Variants in EZH1 observed in about 807,000 individuals in gnomAD.
The protein encoded by EZH1 is enhancer of zeste 1 polycomb repressive complex 2 subunit, also known as histone-lysine N-methyltransferase EZH1.
In EZH1, 33 loss-of-function variants were observed where a neutral mutation model predicts 100.5. That is an observed-to-expected ratio of 0.33 (90% confidence interval 0.25 to 0.44). The LOEUF (loss-of-function observed/expected upper bound fraction) is 0.44. EZH1 is among the 20% of genes least tolerant of loss of function. The probability of loss-of-function intolerance (pLI) is 1.00; values close to 1 mark genes in which losing one functional copy is unlikely to be tolerated. For missense variants in EZH1, 475 were observed against 928.4 expected (o/e 0.51, Z 6.35); for synonymous variants, 272 against 313.8 (o/e 0.87, Z 1.41).
At chr17:42,708,287 G>A (rs2053402599) in intron 14 of EZH1, 1 of 537,500 alleles carries the variant, frequency 1.9e-6, no homozygotes, top group South Asian at 2.3e-5. Flanking sequence ...AGGGTGTGGA[G>A]ATGGTCTGGG....
chr17:42,705,114 C>T lies in EZH1; in HGVS notation c.1909G>A (p.Glu637Lys), dbSNP rs1316478374. 4 of 1,613,504 alleles carry T rather than the reference C, an allele frequency of 2.5e-6. No individual in the cohort carries two copies. The highest frequency in any genetic ancestry group is 3.4e-6 in the Non-Finnish European group (4 of 1,179,766). ...TCACCACAGTATTCAGAAATGAATT[C>T]GTTCTTCTGCACAGACTCCTTTATG... ...TFIKESVQKN[E>K]FISEYCGELI... The change falls in exon 17 of 21, where the codon GAA (glutamate) becomes AAA (lysine). Residue 637 changes from glutamate to lysine, a missense_variant. Around this residue, in one of 8 missense-constraint regions of EZH1, gnomAD observed 49 missense variants for 164.2 expected, o/e 0.30. Transcript: ENST00000428826.
chr17:42,724,729 G>A, intron 4 of EZH1: 1 of 232,240 alleles, frequency 4.3e-6, no homozygotes, highest in Non-Finnish European at 8.8e-6. Flanking sequence ...GAGGTTGAGT[G>A]AGCCACTGCA....
chr17:42,744,465 G>A (rs2143916201), intron 1 of EZH1, among the ~76,000 whole-genome samples: 1 of 152,238 alleles, frequency 6.6e-6, no homozygotes, highest in Non-Finnish European at 1.5e-5. Flanking sequence ...CTGCACTTGC[G>A]CGACCCTGAG....
In EZH1 at chr17:42,718,305, T is replaced by A. The variant is rs1168637098; in HGVS notation, c.931+149A>T. 4 of 1,097,580 alleles carry A rather than the reference T, an allele frequency of 3.6e-6. No homozygotes were observed. The African/African-American group carries it at 6.3e-5, about 17-fold the overall frequency. 68.0% of individuals were successfully genotyped at this position (1,097,580 alleles called of 1,614,324 possible). A position where few individuals can be genotyped will look rare whatever the true frequency, so the allele number is the denominator to read the frequency against. On this transcript the variant is annotated intron_variant, in intron 9 of 20. Transcript: ENST00000428826. This position sits in a 1 kb window ranked among gnomAD's most constrained non-coding sequence, Gnocchi z 4.2. ...CTATCATGCAAAGCATGTTGCACTA[T>A]AATTGAGCAAGGGAAAATAGAACTG...
intron 10 of EZH1, among the ~76,000 whole-genome samples, chr17:42,715,182 T>C (rs1425515952): frequency 1.4e-5 from 2 of 140,192 alleles, no homozygotes; most frequent in African/African-American, 5.2e-5. Flanking sequence ...ATATAATATA[T>C]ATCATAGATT....
chr17:42,729,191 G>C (rs964848440), intron 2 of EZH1: 2 of 335,954 alleles, frequency 6.0e-6, no homozygotes, highest in Non-Finnish European at 1.1e-5. Flanking sequence ...AGCACTACTT[G>C]AGCCCAGTGA....
At chr17:42,731,357 C>A (rs539589389) in intron 1 of EZH1, among the ~76,000 whole-genome samples, 2 of 152,120 alleles carry the variant, frequency 1.3e-5, no homozygotes, top group African/African-American at 4.8e-5. Context: ...AAGTGATCTG[C>A]CTGCCTCGGC....
intron 4 of EZH1, among the ~76,000 whole-genome samples, 154 bp downstream of exon 4, chr17:42,727,481 G>A (rs138011333): frequency 2.0e-5 from 3 of 151,988 alleles, no homozygotes; most frequent in East Asian, 3.9e-4. Context: ...CACCTCAAGC[G>A]ATTTTCCCAC....
intron 14 of EZH1, 94 bp from the exon 15 acceptor site, chr17:42,708,177 G>C: frequency 6.9e-7 from 1 of 1,441,772 alleles, no homozygotes; most frequent in Non-Finnish European, 9.3e-7. Context: ...AGAGGAGGCT[G>C]GTCCTAACAA....
At chr17:42,711,899 TGCAGCAGCTGCAGCAGCA>T (rs1478599041) in intron 12 of EZH1, among the ~76,000 whole-genome samples, 1 of 20,524 alleles carries the variant, frequency 4.9e-5, no homozygotes, top group Non-Finnish European at 8.9e-5. Context: ...GAGCAGCAGC[TGCAGCAGCTGCAGCAGCA>T]GCAGCAGTGT....
In EZH1 at chr17:42,729,694, G is replaced by A. The variant is rs150535353; in HGVS notation, c.-11-742C>T. The stretch of plus-strand genomic sequence containing the variant: ...GTGGAAGTTGCAGTAAGCCGAGATC[G>A]CACCACTGCACTCCAGCCTGGGTGA... On this transcript the variant is annotated intron_variant, in intron 2 of 20. Coordinates refer to ENST00000428826, the MANE Select transcript of EZH1 (RefSeq NM_001991.5). 1.0e-2 allele frequency among the ~76,000 whole-genome samples: 1,448 copies of A among 144,808 alleles called. 24 individuals carry two copies. Among genetic ancestry groups the A allele is most frequent in the African/African-American group, 0.036 (1,386 of 38,818 alleles). The allele number at this position is 144,808 out of a possible 152,430, so 95.0% of individuals were successfully genotyped here.
chr17:42,717,796 T>C (rs568724651), intron 10 of EZH1, among the ~76,000 whole-genome samples, 180 bp downstream of exon 10: 85 of 152,312 alleles, frequency 5.6e-4, no homozygotes, highest in Non-Finnish European at 8.7e-4. Context: ...AGACTAACTT[T>C]ATAGTGCTAC....
chr17:42,718,568 ACT>A lies in EZH1; in HGVS notation c.815_816del (p.Gln272LeufsTer32). The A allele has an allele frequency of 6.2e-7, 1 of 1,614,198 alleles. No individual in the cohort carries two copies. Among genetic ancestry groups the A allele is most frequent in the Non-Finnish European group, 8.5e-7 (1 of 1,180,028 alleles). ...TTGGGGCCATCGATGTTGGGTGTGC[ACT>A]GAGGGGGAAGTGCATTGGGGTCTGA... ...EMSDPNALPP[Q>X]CTPNIDGPNA... On this transcript the variant is annotated frameshift_variant, in exon 9 of 21. Transcript: ENST00000428826. LOFTEE classifies it high-confidence loss of function. This position sits in a 1 kb window ranked among gnomAD's most constrained non-coding sequence, Gnocchi z 4.2.
chr17:42,703,570 A>T (rs752232640), intron 19 of EZH1, 170 bp downstream of exon 19: 44 of 612,200 alleles, frequency 7.2e-5, no homozygotes, highest in Non-Finnish European at 1.2e-4. Flanking sequence ...CGCTGAAAAA[A>T]GCAGATTAGA....
chr17:42,714,499 CA>C (rs1174338480), intron 10 of EZH1: 3 of 285,742 alleles, frequency 1.0e-5, no homozygotes, highest in African/African-American at 6.7e-5. Context: ...TGAGATTGTC[CA>C]AAACAAAAAA....
chr17:42,722,819 C>T lies in EZH1; in HGVS notation c.463G>A (p.Asp155Asn). 6.2e-7 allele frequency: 1 copy of T among 1,614,006 alleles called. No individual in the cohort carries two copies. ...TFIEELINNY[D>N]GKVHGEEEMI... ...CCTTCTTCACCATGGACTTTCCCATCATAGTTATTGATCAGCTCCTCAATA... is the reference window on the plus strand; with the variant it reads ...CCTTCTTCACCATGGACTTTCCCATTATAGTTATTGATCAGCTCCTCAATA... Residue 155 changes from aspartate (D) to asparagine (N), a missense_variant, in exon 6 of 21, where the codon GAT becomes AAT. By Grantham distance (23) the Asp-to-Asn change is conservative. This residue lies in a region of EZH1 where 17 missense variants were observed against 68.0 expected (regional missense o/e 0.25). Transcript: ENST00000428826.
chr17:42,714,721 T>C (rs2053557721), intron 10 of EZH1: 1 of 214,684 alleles, frequency 4.7e-6, no homozygotes, highest in African/African-American at 2.3e-5. Flanking sequence ...ATCTGGAATT[T>C]GGAATAATAT....
chr17:42,712,259 C>T (rs1351583251), intron 12 of EZH1, 30 bp downstream of exon 12: 3 of 1,604,712 alleles, frequency 1.9e-6, no homozygotes, highest in Non-Finnish European at 2.6e-6. Flanking sequence ...AAAGGAGGGG[C>T]CCATTTGTTC....
chr17:42,741,101 A>T (rs1211025731), intron 1 of EZH1, among the ~76,000 whole-genome samples: 1 of 152,166 alleles, frequency 6.6e-6, no homozygotes, highest in African/African-American at 2.4e-5. Flanking sequence ...TTCTCCACAA[A>T]TTGTTTTCTC....
Sources: gnomAD v4.1 joint callset for allele counts (sites outside exome capture counted in the v4.1 genomes callset) on GRCh38, gnomAD v4.1.1 for gene constraint, gnomAD v4.1.1 regional missense constraint, Gnocchi (gnomAD v3.1) non-coding constraint, MANE v1.5 for transcripts, NCBI Gene and HGNC (gene_info 2026-07-23, HGNC 2026-07-21) for gene names.